The following CAMK1D variants were observed in gnomAD, a reference collection of about 807,000 sequenced individuals.
CAMK1D encodes the protein calcium/calmodulin-dependent protein kinase type 1D.
CAMK1D carries 9 observed loss-of-function variants against 47.7 expected under a neutral mutation model. The ratio of observed to expected loss-of-function variants is 0.19; its 90% CI spans 0.11 to 0.33. The LOEUF (loss-of-function observed/expected upper bound fraction) is 0.33, where lower values mean the gene tolerates loss of function less well. Ranked by LOEUF, CAMK1D falls within the 10% of genes least tolerant of loss-of-function variation. CAMK1D has a pLI of 1.00. For synonymous variants in CAMK1D, 184 were observed against 184.9 expected, an observed-to-expected ratio of 0.99 and a Z score of 0.04; for missense variants, 291 against 488.7, an observed-to-expected ratio of 0.60 and a Z score of 3.81.
intron 1 of CAMK1D, among the ~76,000 whole-genome samples, chr10:12,507,673 C>T (rs925815951): frequency 2.0e-5 from 3 of 152,176 alleles, no homozygotes; most frequent in African/African-American, 7.2e-5. Context: ...TTGTGGTGTC[C>T]TGAGGTTTGC....
At chr10:12,479,094 T>TCATA (rs1328574276) in intron 1 of CAMK1D, among the ~76,000 whole-genome samples, 1 of 152,210 alleles carries the variant, frequency 6.6e-6, no homozygotes, top group African/African-American at 2.4e-5. Context: ...TGAAGATGCA[T>TCATA]CATAGTCTCC....
chr10:12,699,699 G>A (rs1042934528), intron 3 of CAMK1D, among the ~76,000 whole-genome samples: 1 of 150,744 alleles, frequency 6.6e-6, no homozygotes, highest in Admixed American at 6.6e-5. Flanking sequence ...TGATGAGGAC[G>A]GTTTGCCGCC....
chr10:12,428,545 G>A (rs920164989), intron 1 of CAMK1D, among the ~76,000 whole-genome samples: 1 of 152,068 alleles, frequency 6.6e-6, no homozygotes, highest in African/African-American at 2.4e-5. Flanking sequence ...GCTTTCCCGT[G>A]GGGTTCTGCC....
At chr10:12,536,345 CT>C (rs969223252) in intron 1 of CAMK1D, among the ~76,000 whole-genome samples, 7 of 152,134 alleles carry the variant, frequency 4.6e-5, no homozygotes, top group African/African-American at 1.7e-4. Context: ...GTGGCGTGAT[CT>C]TGGCTCACTG....
At chr10:12,556,134 G>A (rs74116990) in intron 2 of CAMK1D, among the ~76,000 whole-genome samples, 1,571 of 152,156 alleles carry the variant, frequency 0.01, 34 homozygotes, top group African/African-American at 0.036. Flanking sequence ...AGTAACTCCC[G>A]CACTGACTTT....
chr10:12,544,078 G>C (rs977041133), intron 1 of CAMK1D, among the ~76,000 whole-genome samples: 6 of 152,220 alleles, frequency 3.9e-5, no homozygotes, highest in Non-Finnish European at 8.8e-5. Flanking sequence ...TGAGCTGCCT[G>C]TGGGTGATGA....
chr10:12,596,155 G>T (rs184994526), intron 2 of CAMK1D, among the ~76,000 whole-genome samples: 167 of 152,236 alleles, frequency 1.1e-3, no homozygotes, highest in Non-Finnish European at 4.1e-4. Flanking sequence ...GGCATTTGGA[G>T]GAGGGGTTGA....
At position 12,549,943 on chromosome 10, in the gene CAMK1D, G is replaced by T. The variant is rs574762010; in HGVS notation, c.93-3282G>T. Among the ~76,000 whole-genome samples the T allele has an allele frequency of 1.4e-3, 211 of 152,332 alleles. 1 individual carries two copies. Among genetic ancestry groups the T allele is most frequent in the Non-Finnish European group, 6.3e-4 (43 of 68,034 alleles). ...CTTCTCACTGTTTCCTCCAAGCGAG[G>T]AAATGCTTTTCTCTTACAGGCTTCC... On this transcript the variant is annotated intron_variant, in intron 1 of 10. Transcript: ENST00000619168.
intron 2 of CAMK1D, among the ~76,000 whole-genome samples, chr10:12,611,211 G>A (rs1321149431): frequency 6.6e-6 from 1 of 152,124 alleles, no homozygotes; most frequent in Non-Finnish European, 1.5e-5. Context: ...AGCTGAGAAT[G>A]AGACCCTGGA....
intron 2 of CAMK1D, among the ~76,000 whole-genome samples, chr10:12,661,354 G>A (rs914811258): frequency 3.3e-5 from 5 of 152,272 alleles, no homozygotes; most frequent in Admixed American, 6.5e-5. Flanking sequence ...CATGGGCTAG[G>A]GAGTGAGAAT....
chr10:12,507,656 G>A (rs1834916831), intron 1 of CAMK1D, among the ~76,000 whole-genome samples: 3 of 152,160 alleles, frequency 2.0e-5, no homozygotes, highest in African/African-American at 7.2e-5. Flanking sequence ...AGGCACTGCG[G>A]ATGGGCTTGT....
chr10:12,737,767 G>GA (rs1564526808), intron 3 of CAMK1D, among the ~76,000 whole-genome samples: 1 of 152,148 alleles, frequency 6.6e-6, no homozygotes, highest in Admixed American at 6.5e-5. Flanking sequence ...AAGGGGACGT[G>GA]AGCTACAAGA....
intron 3 of CAMK1D, among the ~76,000 whole-genome samples, chr10:12,739,463 G>C (rs1001909639): frequency 3.5e-5 from 2 of 57,812 alleles, no homozygotes; most frequent in African/African-American, 6.3e-5. Flanking sequence ...TTTTTTTTTT[G>C]TATTTTCAGT....
At chr10:12,553,120 G>T (rs1836641119) in intron 1 of CAMK1D, 105 bp from the exon 2 acceptor site, 4 of 1,579,030 alleles carry the variant, frequency 2.5e-6, no homozygotes, top group East Asian at 2.3e-5. Flanking sequence ...GCTTACAACT[G>T]TGCCGTCGTT....
At chr10:12,380,846 ACT>A (rs1414545003) in intron 1 of CAMK1D, among the ~76,000 whole-genome samples, 3 of 152,154 alleles carry the variant, frequency 2.0e-5, no homozygotes, top group South Asian at 2.1e-4. Flanking sequence ...ACAGAGCAAG[ACT>A]CTGTCTCAAA....
chr10:12,524,346 A>T (rs943122989), intron 1 of CAMK1D, among the ~76,000 whole-genome samples: 3 of 152,328 alleles, frequency 2.0e-5, no homozygotes, highest in Admixed American at 2.0e-4. Flanking sequence ...TAAAAGTCCT[A>T]TAACCAAATA....
chr10:12,401,137 TTA>T (rs1332370937), intron 1 of CAMK1D, among the ~76,000 whole-genome samples: 8 of 68,944 alleles, frequency 1.2e-4, no homozygotes, highest in South Asian at 3.5e-4. Flanking sequence ...ATTATATATA[TTA>T]TATATATATT....
At position 12,374,520 on chromosome 10, in the gene CAMK1D, C is replaced by G. The variant is rs145545703; in HGVS notation, c.92+24610C>G. ...CACCACTGATTCTTCAGGGCCAACT[C>G]AAATCTGATCTCTGCCACCCACTGC... On this transcript the variant is annotated intron_variant, in intron 1 of 10. Transcript: ENST00000619168. 4.0e-4 allele frequency among the ~76,000 whole-genome samples: 61 copies of G among 152,340 alleles called. No individual in the cohort carries two copies. In the East Asian group the frequency reaches 0.011, roughly 26 times the overall value.
At chr10:12,734,348 ATATATATATATATATAT>A (rs1835044243) in intron 3 of CAMK1D, among the ~76,000 whole-genome samples, 1 of 5,326 alleles carries the variant, frequency 1.9e-4, no homozygotes, top group African/African-American at 4.3e-4. Flanking sequence ...AAAAAAAAAT[ATATATATATATATATAT>A]ATATATATAT....
Sources: gnomAD v4.1 joint callset for allele counts (sites outside exome capture counted in the v4.1 genomes callset) on GRCh38, gnomAD v4.1.1 for gene constraint, MANE v1.5 for transcripts, NCBI Gene and HGNC (gene_info 2026-07-23, HGNC 2026-07-21) for gene names.